The following BNC2 variants were observed in gnomAD, a reference collection of about 807,000 sequenced individuals.
BNC2 encodes the protein zinc finger protein basonuclin-2.
Under a neutral mutation model 76.3 loss-of-function variants are expected in BNC2, and 20 were observed. The ratio of observed to expected loss-of-function variants is 0.26; its 90% confidence interval spans 0.18 to 0.38. The LOEUF (loss-of-function observed/expected upper bound fraction) is 0.38. Among genes scored for constraint, BNC2 ranks in the 10% least tolerant of loss-of-function variants. The probability of loss-of-function intolerance (pLI) is 1.00; values close to 1 mark genes in which losing one functional copy is unlikely to be tolerated. For synonymous variants in BNC2, 582 were observed against 514.8 expected (o/e 1.13, Z -1.77); for missense variants, 1,382 against 1,399.8 (o/e 0.99, Z 0.20).
chr9:16,651,266 T>A (rs192013928), intron 3 of BNC2, among the ~76,000 whole-genome samples: 145 of 152,334 alleles, frequency 9.5e-4, no homozygotes, highest in African/African-American at 3.4e-3. Context: ...AATGAGAATC[T>A]GTTTATTCAA....
chr9:16,608,424 T>C (rs1563861293), intron 3 of BNC2, among the ~76,000 whole-genome samples: 1 of 152,092 alleles, frequency 6.6e-6, no homozygotes. Flanking sequence ...TTAAACTCCC[T>C]GCTCCTTAAA....
intron 3 of BNC2, among the ~76,000 whole-genome samples, chr9:16,679,563 A>G (rs1822761113): frequency 1.3e-5 from 2 of 152,088 alleles, no homozygotes; most frequent in African/African-American, 4.8e-5. Context: ...AATTAATGAC[A>G]CCCCCTCAGC....
intron 1 of BNC2, among the ~76,000 whole-genome samples, chr9:16,858,362 T>C (rs562484154): frequency 6.6e-6 from 1 of 152,328 alleles, no homozygotes; most frequent in South Asian, 2.1e-4. Context: ...CCAGGAGCTA[T>C]CATTTTTTGG....
chr9:16,436,943 A>C lies in BNC2; in HGVS notation c.1251T>G (p.Thr417=). The part of the protein sequence containing the change: ...NSAPVSDLTK[T]EHPKSSFRIH... ...TCCGGAATGAGCTTTTTGGGTGTTC[A>C]GTTTTGGTTAGATCACTGACTGGGG... is the stretch of plus-strand genomic sequence containing the variant. Residue 417 remains threonine, a synonymous_variant, in exon 6 of 7, where the codon ACT becomes ACG. Transcript: ENST00000380672. 1 of 1,614,066 alleles carries C rather than the reference A, an allele frequency of 6.2e-7. No homozygotes were observed. Among genetic ancestry groups the C allele is most frequent in the Non-Finnish European group, 8.5e-7 (1 of 1,180,020 alleles).
chr9:16,792,481 CAGTT>C (rs1401295353), intron 1 of BNC2, among the ~76,000 whole-genome samples: 8 of 152,142 alleles, frequency 5.3e-5, no homozygotes, highest in Admixed American at 5.2e-4. Flanking sequence ...AGATCATTGC[CAGTT>C]AGTTCTGCTG....
At chr9:16,646,263 G>A (rs1821620391) in intron 3 of BNC2, among the ~76,000 whole-genome samples, 1 of 152,150 alleles carries the variant, frequency 6.6e-6, no homozygotes, top group African/African-American at 2.4e-5. Context: ...CTTGGGCAGG[G>A]AAGTAGTAAA....
intron 1 of BNC2, among the ~76,000 whole-genome samples, chr9:16,762,287 G>T (rs957606397): frequency 6.6e-6 from 1 of 152,182 alleles, no homozygotes; most frequent in Non-Finnish European, 1.5e-5. Flanking sequence ...AGGGGCTGAT[G>T]TAGGAAATAC....
chr9:16,637,473 G>A (rs1006799598), intron 3 of BNC2, among the ~76,000 whole-genome samples: 1 of 152,174 alleles, frequency 6.6e-6, no homozygotes, highest in African/African-American at 2.4e-5. Context: ...ACCTGTCTGT[G>A]TCAAGTAGAT....
At chr9:16,831,300 A>C (rs1818572576) in intron 1 of BNC2, among the ~76,000 whole-genome samples, 1 of 152,246 alleles carries the variant, frequency 6.6e-6, no homozygotes, top group African/African-American at 2.4e-5. Context: ...TGCACAATGA[A>C]GTGCCAAATG....
intron 2 of BNC2, among the ~76,000 whole-genome samples, chr9:16,735,427 G>A (rs994447111): frequency 7.2e-5 from 11 of 151,846 alleles, no homozygotes; most frequent in African/African-American, 2.4e-4. Context: ...ACAGGCTGGG[G>A]GCGCACACAA....
chr9:16,445,788 C>T (rs527701963), intron 5 of BNC2, among the ~76,000 whole-genome samples: 7 of 152,300 alleles, frequency 4.6e-5, no homozygotes, highest in Admixed American at 1.3e-4. Context: ...CCCCAAACTG[C>T]CTTTGTCATG....
intron 6 of BNC2, chr9:16,431,492 G>A (rs755237132): frequency 2.1e-6 from 1 of 469,580 alleles, no homozygotes; most frequent in African/African-American, 2.0e-5. Flanking sequence ...CTCTTCCTAG[G>A]AAAGATTTCA....
chr9:16,818,730 T>C (rs1818244036), intron 1 of BNC2, among the ~76,000 whole-genome samples: 1 of 152,166 alleles, frequency 6.6e-6, no homozygotes, highest in Non-Finnish European at 1.5e-5. Flanking sequence ...TCTCACTAAG[T>C]TGCCCAGGCT....
rs551970788 is a variant in BNC2 at position 16,664,679 on chromosome 9, A to G, written c.330+63118T>C. On this transcript the variant is annotated intron_variant, in intron 3 of 6. Transcript: ENST00000380672. ...AAGGAAAATAAAAGTAGGGGCAATA[A>G]GGGTATTCAGGAAAAAAACAAAAAC... Among the ~76,000 whole-genome samples, 223 of 151,320 alleles carry G rather than the reference A, an allele frequency of 1.5e-3. 2 individuals carry two copies. Among genetic ancestry groups the G allele is most frequent in the African/African-American group, 5.0e-3 (204 of 41,024 alleles).
At chr9:16,575,065 G>C (rs1024150722) in intron 4 of BNC2, among the ~76,000 whole-genome samples, 2 of 152,172 alleles carry the variant, frequency 1.3e-5, no homozygotes, top group Non-Finnish European at 2.9e-5. Context: ...TATGTATGAG[G>C]CATCTGGATT....
chr9:16,694,351 C>G (rs1823272146), intron 3 of BNC2, among the ~76,000 whole-genome samples: 1 of 151,930 alleles, frequency 6.6e-6, no homozygotes, highest in East Asian at 1.9e-4. Context: ...TACATTAAAC[C>G]AATTATGATT....
At chr9:16,475,078 G>C (rs936933152) in intron 5 of BNC2, among the ~76,000 whole-genome samples, 1 of 152,144 alleles carries the variant, frequency 6.6e-6, no homozygotes, top group African/African-American at 2.4e-5. Flanking sequence ...TCAGAAAGTA[G>C]GTCTGACTTT....
rs538885828 is a variant in BNC2, at chr9:16,859,586, T to C, written c.3+11060A>G. Among the ~76,000 whole-genome samples the C allele has an allele frequency of 2.0e-5, 3 of 152,288 alleles. No individual in the cohort carries two copies. In the East Asian group the frequency reaches 5.8e-4, roughly 29 times the overall value. ...TAAGAACATTAAGTTTCTAGCTAAG[T>C]GAAATAAGCCGGAACAAAAAGACAA... On this transcript the variant is annotated intron_variant, in intron 1 of 6. Coordinates refer to ENST00000380672, the MANE Select transcript of BNC2 (RefSeq NM_017637.6).
At chr9:16,480,235 C>A (rs749631053) in intron 5 of BNC2, among the ~76,000 whole-genome samples, 1 of 152,230 alleles carries the variant, frequency 6.6e-6, no homozygotes, top group Non-Finnish European at 1.5e-5. Flanking sequence ...GCACACTTTT[C>A]GGCTTCTCAG....
Sources: allele counts gnomAD v4.1 joint callset (sites outside exome capture counted in the v4.1 genomes callset), GRCh38; gene constraint gnomAD v4.1.1; transcripts MANE v1.5; gene names NCBI Gene and HGNC (gene_info 2026-07-23, HGNC 2026-07-21).